The following ACCS variants were observed in gnomAD, a reference collection of about 807,000 sequenced individuals.
ACCS encodes 1-aminocyclopropane-1-carboxylate synthase-like protein 1.
ACCS carries 42 observed loss-of-function variants against 59.8 expected under a neutral mutation model. The observed-to-expected ratio is 0.70, with a 90% CI of 0.55 to 0.91. The LOEUF (loss-of-function observed/expected upper bound fraction) is 0.91. Ranked by LOEUF, ACCS falls within the 40% of genes least tolerant of loss-of-function variation. The probability of loss-of-function intolerance (pLI) is 0.00; values close to 1 mark genes in which losing one functional copy is unlikely to be tolerated. For synonymous variants in ACCS, 230 were observed against 240.3 expected (o/e 0.96, Z 0.40); for missense variants, 602 against 630.4 (o/e 0.95, Z 0.48).
intron 2 of ACCS, among the ~76,000 whole-genome samples, chr11:44,069,254 G>C (rs943682324): frequency 6.6e-6 from 1 of 150,798 alleles, no homozygotes; most frequent in African/African-American, 2.4e-5. Context: ...ACGGAGTCTC[G>C]CTGTGACACC....
At chr11:44,078,836 C>T (rs557106369) in intron 9 of ACCS, 52 bp downstream of exon 9, 102 of 1,522,218 alleles carry the variant, frequency 6.7e-5, no homozygotes, top group Non-Finnish European at 4.5e-6. Context: ...CCTGGGGTTC[C>T]AATGCGGGTT....
intron 2 of ACCS, among the ~76,000 whole-genome samples, chr11:44,070,896 A>G (rs1459014202): frequency 6.6e-6 from 1 of 152,120 alleles, no homozygotes; most frequent in Non-Finnish European, 1.5e-5. Flanking sequence ...CAGGGAGCTT[A>G]CCCTCAGTAC....
At position 44,074,589 on chromosome 11, in the gene ACCS, C is replaced by T. The variant is rs1244374073; in HGVS notation, c.420-23C>T. The T allele has an allele frequency of 1.9e-6, 3 of 1,609,168 alleles. No individual in the cohort carries two copies. The African/African-American group carries it at 4.0e-5, about 22-fold the overall frequency. On this transcript the variant is annotated intron_variant, in intron 4 of 14. Coordinates refer to ENST00000263776, the MANE Select transcript of ACCS (RefSeq NM_032592.4). ...TGGGTTGGGGACCATCTGGCAAGCA[C>T]TGTCTTTTTGTCTTATCTTCAGCCT... is the stretch of plus-strand genomic sequence containing the variant.
In ACCS at chr11:44,078,753, G is replaced by A. The variant is rs749065198; in HGVS notation, c.802G>A (p.Glu268Lys). ...TCTGGGTGATGTATACTCCCCTGAA[G>A]AGCTACAGGAGTACCTGGTATTTGC... ...NPLGDVYSPE[E>K]LQEYLVFAKR... Residue 268 changes from glutamate to lysine, a missense_variant, in exon 9 of 15, where the codon GAG (glutamate) becomes AAG (lysine). Transcript: ENST00000263776. The A allele has an allele frequency of 6.2e-7, 1 of 1,614,102 alleles. No homozygotes were observed. Among genetic ancestry groups the A allele is most frequent in the South Asian group, 1.1e-5 (1 of 91,074 alleles).
rs765221680 is a variant in ACCS at position 44,083,768 on chromosome 11, G to A, written c.1482G>A (p.Gln494=). The A allele has an allele frequency of 3.1e-6, 5 of 1,613,434 alleles. No homozygotes were observed. Among genetic ancestry groups the A allele is most frequent in the Non-Finnish European group, 4.2e-6 (5 of 1,179,664 alleles). ...AAGACCCCCGTCCCTCTCAGAGCCA[G>A]GAGCCAAGTGACCAACGCAGGTGAG... ...VAEDPRPSQS[Q]EPSDQRR The change falls in exon 15 of 15, where the codon CAG becomes CAA. Residue 494 remains glutamine (Q), a synonymous_variant. Transcript: ENST00000263776.
At position 44,075,508 on chromosome 11, in the gene ACCS, T is replaced by C; in HGVS notation, c.490-18T>C. On this transcript the variant is annotated intron_variant, in intron 5 of 14. Coordinates refer to ENST00000263776, the MANE Select transcript of ACCS (RefSeq NM_032592.4). ...CTGGAACTGGTTCATCTTCATCCCT[T>C]GGATATGTCGCCCTTAGGTGGTTGT... 1.2e-6 allele frequency: 2 copies of C among 1,613,456 alleles called. No homozygotes were observed. Among genetic ancestry groups the C allele is most frequent in the Non-Finnish European group, 1.7e-6 (2 of 1,179,366 alleles).
chr11:44,074,664 C>G lies in ACCS; in HGVS notation c.472C>G (p.Pro158Ala). ...FLSFYCKSPV[P>A]LRPENVVVLN... ...GTCTTTCTACTGCAAGAGCCCAGTA[C>G]CCCTCAGACCAGAGAATGTGAGTGG... Residue 158 changes from proline to alanine, a missense_variant, in exon 5 of 15, where the codon CCC becomes GCC. Transcript: ENST00000263776. 1 of 1,612,592 alleles carries G rather than the reference C, an allele frequency of 6.2e-7. No individual in the cohort carries two copies. The highest frequency in any genetic ancestry group is 1.1e-5 in the South Asian group (1 of 90,780).
chr11:44,067,749 A>T lies in ACCS; in HGVS notation c.122A>T (p.Asp41Val). 1 of 1,614,218 alleles carries T rather than the reference A, an allele frequency of 6.2e-7. No individual in the cohort carries two copies. Among genetic ancestry groups the T allele is most frequent in the South Asian group, 1.1e-5 (1 of 91,082 alleles). ...GAAGGAGAATGCTCCAGAAAACTGG[A>T]CCAGAAGCTGCCAGAGCTCCGTGGA... is the stretch of plus-strand genomic sequence containing the variant. ...DLEGECSRKL[D>V]QKLPELRGVG... The change falls in exon 2 of 15, where the codon GAC becomes GTC. Residue 41 changes from aspartate to valine, a missense_variant. Transcript: ENST00000263776.
At chr11:44,073,339 C>T (rs983881217) in intron 3 of ACCS, 108 bp from the exon 4 acceptor site, 2 of 897,270 alleles carry the variant, frequency 2.2e-6, no homozygotes, top group Non-Finnish European at 3.6e-6. Context: ...CTGCCCCTCT[C>T]GCAGTTTCTC....
intron 10 of ACCS, among the ~76,000 whole-genome samples, chr11:44,080,222 G>A (rs956858423): frequency 1.2e-4 from 18 of 152,232 alleles, no homozygotes; most frequent in Admixed American, 3.9e-4. Flanking sequence ...CTGTTTCTAC[G>A]GGAAAGAAAA....
rs756616330 is a variant in ACCS at position 44,067,725 on chromosome 11, A to T, written c.98A>T (p.Glu33Val). 5 of 1,614,106 alleles carry T rather than the reference A, an allele frequency of 3.1e-6. No homozygotes were observed. Among genetic ancestry groups the T allele is most frequent in the Middle Eastern group, 1.6e-4 (1 of 6,084 alleles). ...GGCAGTAGCCATGGGGAAGATCTGG[A>T]AGGAGAATGCTCCAGAAAACTGGAC... ...DLGSSHGEDL[E>V]GECSRKLDQK... Residue 33 changes from glutamate to valine, a missense_variant, in exon 2 of 15, where the codon GAA becomes GTA. Physicochemically the swap from Glu to Val is moderately radical, Grantham distance 121 (BLOSUM62 -2). Transcript: ENST00000263776.
chr11:44,081,293 C>T lies in ACCS; in HGVS notation c.1084C>T (p.Gln362Ter), dbSNP rs1200546244. Residue 362 changes from glutamine (Q) to a stop codon, truncating the protein, a stop_gained, in exon 12 of 15, where the codon CAG becomes TAG. Coordinates refer to ENST00000263776, the MANE Select transcript of ACCS (RefSeq NM_032592.4). LOFTEE classifies it high-confidence loss of function. Reference sequence around the variant, plus strand: ...CGGCCTCAGTGGCTTGGTCCAGTACCAGATGGCACAGCTGCTCCGGGACCG... The same window carrying T: ...CGGCCTCAGTGGCTTGGTCCAGTACTAGATGGCACAGCTGCTCCGGGACCG... ...YHGLSGLVQY[Q>*]MAQLLRDRDW... 6.2e-7 allele frequency: 1 copy of T among 1,614,234 alleles called. No homozygotes were observed. Among genetic ancestry groups the T allele is most frequent in the South Asian group, 1.1e-5 (1 of 91,090 alleles).
intron 12 of ACCS, among the ~76,000 whole-genome samples, 169 bp downstream of exon 12, chr11:44,081,489 A>G (rs1290503548): frequency 1.3e-5 from 2 of 152,232 alleles, no homozygotes; most frequent in Non-Finnish European, 2.9e-5. Flanking sequence ...CTTCCTGGCC[A>G]TGTGGCACTT....
At chr11:44,069,239 T>C (rs932532346) in intron 2 of ACCS, among the ~76,000 whole-genome samples, 1 of 152,082 alleles carries the variant, frequency 6.6e-6, no homozygotes, top group African/African-American at 2.4e-5. Context: ...TCTTTTTTTT[T>C]TGTGACGGAG....
rs1161602620 is a variant in ACCS, at chr11:44,071,269, TG to T, written c.305del (p.Gly102AlafsTer16). ...EDKNPSGIIN[L>X]GTSENKLCFD... ...TCTCATCTCCAGGGCATCATTAACTTGGGCACCAGTGAGAACAAACTCTGCT... is the reference window on the plus strand; with the variant it reads ...TCTCATCTCCAGGGCATCATTAACTTGGCACCAGTGAGAACAAACTCTGCT... On this transcript the variant is annotated frameshift_variant, in exon 3 of 15. Coordinates refer to ENST00000263776, the MANE Select transcript of ACCS (RefSeq NM_032592.4). LOFTEE classifies it high-confidence loss of function. 1 of 1,614,020 alleles carries T rather than the reference TG, an allele frequency of 6.2e-7. No individual in the cohort carries two copies. Among genetic ancestry groups the T allele is most frequent in the African/African-American group, 1.3e-5 (1 of 74,922 alleles).
chr11:44,076,421 TGAG>T (rs1953364347), intron 6 of ACCS, among the ~76,000 whole-genome samples: 1 of 152,222 alleles, frequency 6.6e-6, no homozygotes, highest in Non-Finnish European at 1.5e-5. Context: ...ATTTTACATA[TGAG>T]GAGACTAAGA....
Position 44,067,740 on chromosome 11 carries a change from G to C in ACCS, c.113G>C (p.Arg38Thr). The change falls in exon 2 of 15, where the codon AGA (arginine) becomes ACA (threonine). Residue 38 changes from arginine (R) to threonine (T), a missense_variant. Transcript: ENST00000263776. ...GAAGATCTGGAAGGAGAATGCTCCA[G>C]AAAACTGGACCAGAAGCTGCCAGAG... ...HGEDLEGECS[R>T]KLDQKLPELR... 2.5e-6 allele frequency: 4 copies of C among 1,614,246 alleles called. No individual in the cohort carries two copies. The highest frequency in any genetic ancestry group is 3.4e-6 in the Non-Finnish European group (4 of 1,180,040).
Position 44,084,159 on chromosome 11 carries a change from GTC to G in ACCS, c.*368_*369del. 1 of 207,816 alleles carries G rather than the reference GTC, an allele frequency of 4.8e-6. No individual in the cohort carries two copies. Among genetic ancestry groups the G allele is most frequent in the East Asian group, 1.2e-4 (1 of 8,290 alleles). 12.9% of individuals were successfully genotyped at this position (207,816 alleles called of 1,614,324 possible). On this transcript the variant is annotated 3_prime_UTR_variant, in exon 15 of 15. Transcript: ENST00000263776. The stretch of plus-strand genomic sequence containing the variant: ...ATATCACCGTCATTCCTCTTTCTTT[GTC>G]ACCAAGGAAACGAGTCAAAGGAACA...
intron 2 of ACCS, among the ~76,000 whole-genome samples, chr11:44,070,021 G>A (rs1441885657): frequency 6.6e-6 from 1 of 152,170 alleles, no homozygotes; most frequent in East Asian, 1.9e-4. Flanking sequence ...GATCATGCTT[G>A]ATGAGTTCAA....
Sources: gnomAD v4.1 joint callset for allele counts (sites outside exome capture counted in the v4.1 genomes callset) on GRCh38, gnomAD v4.1.1 for gene constraint, MANE v1.5 for transcripts, NCBI Gene and HGNC (gene_info 2026-07-23, HGNC 2026-07-21) for gene names.